CHD7: variants seen among roughly 807,000 people sequenced by gnomAD.
The protein encoded by CHD7 is ATP-dependent chromatin remodeler CHD7.
A neutral mutation model predicts 307.3 loss-of-function variants in CHD7; 24 were observed. That is an observed-to-expected ratio of 0.08 (90% confidence interval 0.06 to 0.11). The LOEUF (loss-of-function observed/expected upper bound fraction) is 0.11, where lower values mean the gene tolerates loss of function less well. CHD7 is among the 10% of genes least tolerant of loss of function. The pLI is 1.00. For missense variants in CHD7, 3,106 were observed against 3,727.1 expected (o/e 0.83, Z 4.34); for synonymous variants, 1,363 against 1,349.9 (o/e 1.01, Z -0.21).
At position 60,853,465 on chromosome 8, in the gene CHD7, A is replaced by T; in HGVS notation, c.6740A>T (p.Asp2247Val). ...SEEDEEEKLE[D>V]DDKSEESSQP... Reference sequence around the variant, plus strand: ...GAGGATGAAGAGGAAAAGCTGGAGGATGACGATAAGTCGGAAGAGTCTTCC... The same window carrying T: ...GAGGATGAAGAGGAAAAGCTGGAGGTTGACGATAAGTCGGAAGAGTCTTCC... Residue 2247 changes from aspartate (D) to valine (V), a missense_variant, in exon 31 of 38, where the codon GAT becomes GTT. This residue lies in a region of CHD7 where 1,030 missense variants were observed against 1,165.4 expected (regional missense o/e 0.88). Transcript: ENST00000423902. 6.6e-7 allele frequency: 1 copy of T among 1,517,398 alleles called. No individual in the cohort carries two copies. 94.0% of individuals were successfully genotyped at this position (1,517,398 alleles called of 1,614,324 possible). A position where few individuals can be genotyped will look rare whatever the true frequency, so the allele number is the denominator to read the frequency against.
At chr8:60,744,322 TGGAGAA>T (rs1194203805) in intron 2 of CHD7, among the ~76,000 whole-genome samples, 4 of 152,012 alleles carry the variant, frequency 2.6e-5, no homozygotes, top group African/African-American at 7.3e-5. Context: ...ACAGGACAGA[TGGAGAA>T]GGAGAAGATG....
At chr8:60,759,921 G>A (rs539241604) in intron 2 of CHD7, among the ~76,000 whole-genome samples, 1 of 152,250 alleles carries the variant, frequency 6.6e-6, no homozygotes, top group South Asian at 2.1e-4. Context: ...TGCCTAGTAT[G>A]TGATACGTGC....
intron 6 of CHD7, among the ~76,000 whole-genome samples, chr8:60,805,896 A>G (rs1812516726): frequency 6.6e-6 from 1 of 152,204 alleles, no homozygotes; most frequent in African/African-American, 2.4e-5. Flanking sequence ...TATAATTATT[A>G]TCAGAAGGGC....
chr8:60,749,679 C>T (rs1809531396), intron 2 of CHD7, among the ~76,000 whole-genome samples: 1 of 152,130 alleles, frequency 6.6e-6, no homozygotes, highest in African/African-American at 2.4e-5. Flanking sequence ...AACAGGCACC[C>T]AGGCTGGACC....
At chr8:60,784,978 A>G (rs532780691) in intron 3 of CHD7, among the ~76,000 whole-genome samples, 4 of 152,294 alleles carry the variant, frequency 2.6e-5, no homozygotes, top group South Asian at 2.1e-4. Flanking sequence ...ACAGCTTTCA[A>G]ATATTCGTTG....
chr8:60,783,603 C>T (rs531826738), intron 3 of CHD7, among the ~76,000 whole-genome samples: 1 of 152,316 alleles, frequency 6.6e-6, no homozygotes, highest in South Asian at 2.1e-4. Flanking sequence ...ACCTTCCCCC[C>T]TCCTGCGGCT....
intron 1 of CHD7, among the ~76,000 whole-genome samples, chr8:60,680,182 C>T (rs558956728): frequency 3.3e-5 from 5 of 151,974 alleles, no homozygotes; most frequent in South Asian, 2.1e-4. Context: ...TGCGCTCTGC[C>T]CTCGCAGAGA....
At chr8:60,793,221 A>G (rs1302260936) in intron 3 of CHD7, among the ~76,000 whole-genome samples, 1 of 152,162 alleles carries the variant, frequency 6.6e-6, no homozygotes. Flanking sequence ...ACACTAGGAC[A>G]GTTGGATGAG....
chr8:60,777,070 C>T (rs1347777468), intron 2 of CHD7, among the ~76,000 whole-genome samples: 1 of 152,194 alleles, frequency 6.6e-6, no homozygotes, highest in East Asian at 1.9e-4. Context: ...TCTCTGAGAG[C>T]ACAAGTGCCT....
Position 60,865,740 on chromosome 8 carries a change from G to A in CHD7, c.8801G>A (p.Ser2934Asn). The change falls in exon 38 of 38, where the codon AGC (serine) becomes AAC (asparagine). Residue 2934 changes from serine to asparagine, a missense_variant. Physicochemically the swap from Ser to Asn is conservative, Grantham distance 46. This residue lies in a region of CHD7 where 351 missense variants were observed against 366.2 expected (regional missense o/e 0.96). Transcript: ENST00000423902. This position sits in a 1 kb window ranked among gnomAD's most constrained non-coding sequence, Gnocchi z 4.3. ...GGACTTCAGAATGCCGTGGGCTCCA[G>A]CGAAGAAAAGGCTGCTGACAAGGCT... ...LAGLQNAVGS[S>N]EEKAADKAEG... is the part of the protein sequence containing the mutation. 6.2e-7 allele frequency: 1 copy of A among 1,612,144 alleles called. No individual in the cohort carries two copies. Among genetic ancestry groups the A allele is most frequent in the Non-Finnish European group, 8.5e-7 (1 of 1,178,878 alleles).
Position 60,852,889 on chromosome 8 carries a change from T to C in CHD7, c.6164T>C (p.Leu2055Pro). Reference protein sequence around the residue: ...PITEERASRTLYRIELLRKIR... With the variant: ...PITEERASRTPYRIELLRKIR... ...ACAGAGGAGCGAGCCTCTCGAACTC[T>C]GTACCGCATTGAGCTGCTACGGAAG... Residue 2055 changes from leucine (L) to proline (P), a missense_variant, in exon 31 of 38, where the codon CTG (leucine) becomes CCG (proline). Transcript: ENST00000423902. 1 of 1,614,030 alleles carries C rather than the reference T, an allele frequency of 6.2e-7. No homozygotes were observed. The highest frequency in any genetic ancestry group is 8.5e-7 in the Non-Finnish European group (1 of 1,179,906).
chr8:60,792,592 A>C (rs1379567327), intron 3 of CHD7, among the ~76,000 whole-genome samples: 1 of 152,216 alleles, frequency 6.6e-6, no homozygotes. Context: ...TCTGACTTTC[A>C]GCTATCTTGG....
At chr8:60,705,481 A>T (rs182265310) in intron 1 of CHD7, among the ~76,000 whole-genome samples, 53 of 152,364 alleles carry the variant, frequency 3.5e-4, no homozygotes, top group Non-Finnish European at 6.6e-4. Context: ...CTCATTGAAA[A>T]ATCAGACTTG....
At chr8:60,749,370 C>CAAAAAA (rs55661758) in intron 2 of CHD7, among the ~76,000 whole-genome samples, 26 of 56,292 alleles carry the variant, frequency 4.6e-4, no homozygotes, top group African/African-American at 1.2e-3. Context: ...GACTCTGTAT[C>CAAAAAA]AAAAAAAAAA....
intron 1 of CHD7, among the ~76,000 whole-genome samples, chr8:60,686,768 G>T (rs1255167451): frequency 7.4e-5 from 11 of 149,308 alleles, no homozygotes; most frequent in Admixed American, 2.0e-4. Context: ...GTGTAAAACA[G>T]TCAGATTTCT....
intron 1 of CHD7, among the ~76,000 whole-genome samples, chr8:60,713,041 C>T (rs1293574190): frequency 2.0e-5 from 2 of 101,658 alleles, no homozygotes. Context: ...CAGAGTGAAA[C>T]TCTGTCTCAA....
intron 7 of CHD7, among the ~76,000 whole-genome samples, chr8:60,813,879 G>A (rs1812925400): frequency 2.0e-5 from 3 of 151,532 alleles, no homozygotes; most frequent in Admixed American, 2.0e-4. Flanking sequence ...ACTGATATGG[G>A]TAAGGGATAT....
intron 6 of CHD7, among the ~76,000 whole-genome samples, chr8:60,804,843 A>T (rs1389336336): frequency 6.6e-6 from 1 of 152,206 alleles, no homozygotes; most frequent in Non-Finnish European, 1.5e-5. Context: ...GGTTTGTTTG[A>T]ACAGTGGGAC....
chr8:60,859,243 G>A (rs1471484759), intron 34 of CHD7, among the ~76,000 whole-genome samples: 1 of 152,120 alleles, frequency 6.6e-6, no homozygotes, highest in African/African-American at 2.4e-5. Context: ...TGCTCGATCT[G>A]TAAATAAACC....
Sources: allele counts gnomAD v4.1 joint callset (sites outside exome capture counted in the v4.1 genomes callset), GRCh38; gene constraint gnomAD v4.1.1; regional missense constraint gnomAD v4.1.1; non-coding constraint Gnocchi (gnomAD v3.1); transcripts MANE v1.5; gene names NCBI Gene and HGNC (gene_info 2026-07-23, HGNC 2026-07-21).